SMYD3: variants seen among roughly 807,000 people sequenced by gnomAD.
The protein encoded by SMYD3 is SET and MYND domain containing 3.
SMYD3 carries 36 observed loss-of-function variants against 57.7 expected under a neutral mutation model. That is an observed-to-expected ratio of 0.62 (90% CI 0.48 to 0.82). The LOEUF (loss-of-function observed/expected upper bound fraction) is 0.82. Among genes scored for constraint, SMYD3 ranks in the 40% least tolerant of loss-of-function variants. The pLI, the probability that SMYD3 is intolerant of heterozygous loss-of-function variation, is 0.00. For missense variants in SMYD3, 515 were observed against 538.8 expected (o/e 0.96, Z 0.44); for synonymous variants, 211 against 195.0 (o/e 1.08, Z -0.68).
At chr1:246,068,526 G>T (rs896582745) in intron 5 of SMYD3, among the ~76,000 whole-genome samples, 2 of 152,186 alleles carry the variant, frequency 1.3e-5, no homozygotes, top group Non-Finnish European at 2.9e-5. Flanking sequence ...GGCTATGACT[G>T]GGAGGGGGCA....
intron 1 of SMYD3, among the ~76,000 whole-genome samples, chr1:246,439,801 T>C (rs746480867): frequency 3.3e-5 from 5 of 151,824 alleles, no homozygotes; most frequent in Non-Finnish European, 7.4e-5. Flanking sequence ...AACAGAAAAA[T>C]TAGCTGGGAG....
chr1:246,346,023 G>A (rs1019758898), intron 2 of SMYD3, among the ~76,000 whole-genome samples: 6 of 152,156 alleles, frequency 3.9e-5, no homozygotes, highest in African/African-American at 1.2e-4. Context: ...AGTGGCTCAC[G>A]CCTGTAATCC....
intron 8 of SMYD3, among the ~76,000 whole-genome samples, chr1:245,902,851 AG>A (rs1329562899): frequency 3.9e-5 from 6 of 152,354 alleles, no homozygotes; most frequent in African/African-American, 1.4e-4. Context: ...TACATGAAAA[AG>A]TCATTCTCTA....
intron 5 of SMYD3, among the ~76,000 whole-genome samples, chr1:246,227,193 T>A (rs947149907): frequency 1.1e-4 from 17 of 152,204 alleles, no homozygotes; most frequent in African/African-American, 3.9e-4. Context: ...AGTACATGGT[T>A]AGATGTACTT....
intron 5 of SMYD3, among the ~76,000 whole-genome samples, chr1:246,185,585 A>C (rs960481757): frequency 2.6e-4 from 36 of 139,850 alleles, no homozygotes; most frequent in African/African-American, 9.7e-4. Context: ...CCTCAGCCTC[A>C]CGAGTAGCTG....
intron 5 of SMYD3, among the ~76,000 whole-genome samples, chr1:246,213,547 T>C (rs921864954): frequency 1.3e-5 from 2 of 152,158 alleles, no homozygotes; most frequent in African/African-American, 2.4e-5. Flanking sequence ...TCTCAGGCCC[T>C]GCACACCCAA....
chr1:245,878,286 C>A (rs947035835), intron 8 of SMYD3, among the ~76,000 whole-genome samples: 5 of 152,054 alleles, frequency 3.3e-5, no homozygotes, highest in African/African-American at 1.2e-4. Flanking sequence ...TTTCTTATAA[C>A]GGGAAAGTGT....
chr1:245,890,826 T>C (rs2148581071), intron 8 of SMYD3, among the ~76,000 whole-genome samples: 1 of 152,314 alleles, frequency 6.6e-6, no homozygotes, highest in Admixed American at 6.5e-5. Context: ...AACCTGAGTG[T>C]CTGTTGATAG....
chr1:246,507,000 C>CCCACCACCCCACA, intron 1 of SMYD3, 54 bp downstream of exon 1: 1 of 1,139,168 alleles, frequency 8.8e-7, no homozygotes, highest in South Asian at 1.7e-5. Flanking sequence ...CCCCCCCCTC[C>CCCACCACCCCACA]CCAGCACCCC....
Position 245,764,122 on chromosome 1 carries a change from G to C in SMYD3, c.1104C>G (p.Val368=), listed in dbSNP as rs1191685136. 6.2e-7 allele frequency: 1 copy of C among 1,614,014 alleles called. No homozygotes were observed. Among genetic ancestry groups the C allele is most frequent in the South Asian group, 1.1e-5 (1 of 91,052 alleles). ...YRIFFPGSHP[V]RGVQVMKVGK... is the part of the protein sequence containing the mutation. ...CAACTTTCATCACTTGAACCCCTCT[G>C]ACGGGATGGCTTCCTGGGAAAAAAA... is the stretch of plus-strand genomic sequence containing the variant. The change falls in exon 11 of 12, where the codon GTC becomes GTG. Residue 368 remains valine (V), a synonymous_variant. Transcript: ENST00000490107.
intron 10 of SMYD3, among the ~76,000 whole-genome samples, chr1:245,847,083 G>T (rs1023093023): frequency 7.9e-5 from 12 of 152,164 alleles, no homozygotes; most frequent in Admixed American, 5.2e-4. Context: ...CCCAGAACCT[G>T]GCTGGGCCAT....
chr1:245,966,842 C>G (rs2058163683), intron 5 of SMYD3, among the ~76,000 whole-genome samples: 1 of 152,134 alleles, frequency 6.6e-6, no homozygotes, highest in Admixed American at 6.6e-5. Flanking sequence ...TGCAGTCTTT[C>G]AAATACTCCT....
intron 5 of SMYD3, among the ~76,000 whole-genome samples, chr1:246,155,966 G>C (rs1572122875): frequency 6.6e-6 from 1 of 151,346 alleles, no homozygotes; most frequent in East Asian, 1.9e-4. Flanking sequence ...CAGCCTGGGT[G>C]ACAGAGCGAG....
chr1:246,290,487 C>G (rs907772554), intron 5 of SMYD3, among the ~76,000 whole-genome samples: 1 of 152,168 alleles, frequency 6.6e-6, no homozygotes, highest in Non-Finnish European at 1.5e-5. Context: ...CTGTAAAAAC[C>G]ATTCCTTGTC....
At chr1:245,972,832 C>T (rs1201034270) in intron 5 of SMYD3, among the ~76,000 whole-genome samples, 1 of 152,198 alleles carries the variant, frequency 6.6e-6, no homozygotes, top group Non-Finnish European at 1.5e-5. Flanking sequence ...AGTCACCCAC[C>T]CACCTGGTAC....
chr1:246,284,746 T>C (rs2064525993), intron 5 of SMYD3, among the ~76,000 whole-genome samples: 1 of 152,196 alleles, frequency 6.6e-6, no homozygotes. Context: ...TTACTTTTTC[T>C]GATTGTATTG....
intron 1 of SMYD3, among the ~76,000 whole-genome samples, chr1:246,482,079 G>A (rs2068117956): frequency 6.6e-6 from 1 of 151,840 alleles, no homozygotes; most frequent in African/African-American, 2.4e-5. Flanking sequence ...GGTCATTTAA[G>A]CCCAGGAGGT....
chr1:245,828,868 A>C lies in SMYD3; in HGVS notation c.1076+29628T>G, dbSNP rs569739136. On this transcript the variant is annotated intron_variant, in intron 10 of 11. Coordinates refer to ENST00000490107, the MANE Select transcript of SMYD3 (RefSeq NM_001167740.2). ...CAGGCATGAGCCCCCACGCCCAGCT[A>C]ATCTTTGTATTTTTAGTAGAGATGG... Among the ~76,000 whole-genome samples the C allele has an allele frequency of 2.6e-5, 4 of 152,148 alleles. No homozygotes were observed. The East Asian group carries it at 7.7e-4, about 29-fold the overall frequency.
Position 246,202,062 on chromosome 1 carries a change from C to T in SMYD3, c.531+125139G>A, listed in dbSNP as rs556179768. ...CATTTTTAAATGATTTATACTGATA[C>T]ATACATAGAAAAACTGGAAATATGT... On this transcript the variant is annotated intron_variant, in intron 5 of 11. Transcript: ENST00000490107. The surrounding 1 kb of genome is among the most constrained non-coding windows in gnomAD (Gnocchi z 4.1). Among the ~76,000 whole-genome samples, 279 of 151,016 alleles carry T rather than the reference C, an allele frequency of 1.8e-3. 1 individual carries two copies. Among genetic ancestry groups the T allele is most frequent in the African/African-American group, 6.5e-3 (267 of 41,202 alleles).
Sources: gnomAD v4.1 joint callset for allele counts (sites outside exome capture counted in the v4.1 genomes callset) on GRCh38, gnomAD v4.1.1 for gene constraint, Gnocchi (gnomAD v3.1) non-coding constraint, MANE v1.5 for transcripts, NCBI Gene and HGNC (gene_info 2026-07-23, HGNC 2026-07-21) for gene names.